KCTD9: variants seen among roughly 807,000 people sequenced by gnomAD.
The protein encoded by KCTD9 is BTB/POZ domain-containing protein KCTD9.
A neutral mutation model predicts 53.3 loss-of-function variants in KCTD9; 17 were observed. The observed-to-expected ratio is 0.32, with a 90% CI of 0.22 to 0.48. The LOEUF is 0.48. KCTD9 is among the 20% of genes least tolerant of loss of function. KCTD9 has a pLI of 0.99. For missense variants in KCTD9, 179 were observed against 465.5 expected, an observed-to-expected ratio of 0.38 and a Z score of 5.66; for synonymous variants, 128 against 162.7, an observed-to-expected ratio of 0.79 and a Z score of 1.62.
intron 1 of KCTD9, among the ~76,000 whole-genome samples, chr8:25,455,924 C>T (rs1802423793): frequency 1.3e-5 from 2 of 152,162 alleles, no homozygotes; most frequent in Admixed American, 1.3e-4. Flanking sequence ...ATATTTCTTC[C>T]TGACCTCCAA....
rs1311170021 is a variant in KCTD9, at chr8:25,428,435, T to TAAAG, written c.*1418_*1421dup. 6 of 152,594 alleles carry TAAAG rather than the reference T, an allele frequency of 3.9e-5. No homozygotes were observed. The East Asian group carries it at 1.2e-3, about 29-fold the overall frequency. 9.5% of individuals were successfully genotyped at this position (152,594 alleles called of 1,614,324 possible). A position where few individuals can be genotyped will look rare whatever the true frequency, so the allele number is the denominator to read the frequency against. ...ATAGAAGAATAAGCTACGTAAATAC[T>TAAAG]AAAGATATGTCATTCTCCCAAAGGA... is the stretch of plus-strand genomic sequence containing the variant. On this transcript the variant is annotated 3_prime_UTR_variant, in exon 12 of 12. Coordinates refer to ENST00000221200, the MANE Select transcript of KCTD9 (RefSeq NM_017634.4).
In KCTD9 at chr8:25,457,798, C is replaced by G. The variant is rs1433228001; in HGVS notation, c.48+401G>C. The G allele has an allele frequency of 3.6e-5, 6 of 165,712 alleles. No homozygotes were observed. In the Admixed American group the frequency reaches 3.9e-4, roughly 11 times the overall value. The allele number at this position is 165,712 out of a possible 1,614,324, so 10.3% of individuals were successfully genotyped here. ...CCGCCACTTTCCGAGCAGATCATTA[C>G]TCAGCACCGGAGCCGGCGCGCCTCC... On this transcript the variant is annotated intron_variant, in intron 1 of 11. Transcript: ENST00000221200.
chr8:25,442,092 C>T (rs1802133536), intron 3 of KCTD9, among the ~76,000 whole-genome samples: 1 of 151,930 alleles, frequency 6.6e-6, no homozygotes. Context: ...ACAATAGAGT[C>T]CTGAAAGAAG....
chr8:25,455,083 G>A (rs986473969), intron 1 of KCTD9, among the ~76,000 whole-genome samples: 1 of 152,040 alleles, frequency 6.6e-6, no homozygotes, highest in African/African-American at 2.4e-5. Flanking sequence ...AAATTAGCAG[G>A]GCATGGTGGC....
At chr8:25,443,683 A>G (rs539171655) in intron 3 of KCTD9, among the ~76,000 whole-genome samples, 3 of 152,336 alleles carry the variant, frequency 2.0e-5, no homozygotes, top group African/African-American at 7.2e-5. Flanking sequence ...ACTTCCACTC[A>G]CCAAATGCAA....
intron 1 of KCTD9, among the ~76,000 whole-genome samples, chr8:25,454,742 T>C (rs1210190340): frequency 2.6e-5 from 4 of 152,322 alleles, no homozygotes; most frequent in African/African-American, 7.2e-5. Flanking sequence ...ATTGGTAACA[T>C]ACTTTTGGGC....
chr8:25,437,295 A>G (rs1158590700), intron 6 of KCTD9, among the ~76,000 whole-genome samples: 1 of 152,184 alleles, frequency 6.6e-6, no homozygotes, highest in Non-Finnish European at 1.5e-5. Flanking sequence ...GCCAAGGTCT[A>G]AGTAAAGCAG....
intron 3 of KCTD9, among the ~76,000 whole-genome samples, chr8:25,442,965 G>A (rs1802150070): frequency 1.3e-5 from 2 of 152,012 alleles, no homozygotes; most frequent in Non-Finnish European, 2.9e-5. Context: ...ATAGAAAAAG[G>A]AGACACAGAT....
chr8:25,441,843 T>C (rs1802128803), intron 3 of KCTD9, among the ~76,000 whole-genome samples: 1 of 151,510 alleles, frequency 6.6e-6, no homozygotes, highest in African/African-American at 2.4e-5. Context: ...CTACAAAAAA[T>C]ACAAAAAAAT....
At position 25,429,819 on chromosome 8, in the gene KCTD9, T is replaced by C; in HGVS notation, c.*38A>G. ...AGAAAGAAAAGTGATAAGGAAAACA[T>C]TTTCATCTTTTACATCTTCCTCCAG... On this transcript the variant is annotated 3_prime_UTR_variant, in exon 12 of 12. Coordinates refer to ENST00000221200, the MANE Select transcript of KCTD9 (RefSeq NM_017634.4). The C allele has an allele frequency of 2.0e-6, 2 of 1,009,046 alleles. No homozygotes were observed. The highest frequency in any genetic ancestry group is 3.2e-6 in the Non-Finnish European group (2 of 630,250). 62.5% of individuals were successfully genotyped at this position (1,009,046 alleles called of 1,614,324 possible).
In KCTD9 at chr8:25,429,640, T is replaced by C. The variant is rs567056690; in HGVS notation, c.*217A>G. On this transcript the variant is annotated 3_prime_UTR_variant, in exon 12 of 12. Transcript: ENST00000221200. Reference sequence around the variant, plus strand: ...GGCAGCAATATCTAGTTTCCCTACATCTATTAAATGAGTGCTTTTCTGTTA... The same window carrying C: ...GGCAGCAATATCTAGTTTCCCTACACCTATTAAATGAGTGCTTTTCTGTTA... 1.1e-3 allele frequency: 479 copies of C among 433,262 alleles called. 10 individuals carry two copies. In the South Asian group the frequency reaches 0.012, roughly 11 times the overall value. The allele number at this position is 433,262 out of a possible 1,614,324, so 26.8% of individuals were successfully genotyped here. A position where few individuals can be genotyped will look rare whatever the true frequency, so the allele number is the denominator to read the frequency against.
chr8:25,442,020 TAAA>T (rs1300143662), intron 3 of KCTD9, among the ~76,000 whole-genome samples: 2 of 150,786 alleles, frequency 1.3e-5, no homozygotes, highest in African/African-American at 4.9e-5. Context: ...ATAAATAAAA[TAAA>T]AAGAAAGGAA....
chr8:25,440,562 T>C lies in KCTD9; in HGVS notation c.311+15A>G, dbSNP rs760533935. On this transcript the variant is annotated intron_variant, in intron 4 of 11. Coordinates refer to ENST00000221200, the MANE Select transcript of KCTD9 (RefSeq NM_017634.4). ...TTTTGCATTCTCTTTCTAACACACA[T>C]ACACACACACCTACCGTGTAGTTGT... 4 of 1,530,576 alleles carry C rather than the reference T, an allele frequency of 2.6e-6. No individual in the cohort carries two copies. Among genetic ancestry groups the C allele is most frequent in the East Asian group, 2.2e-5 (1 of 44,492 alleles). 94.8% of individuals were successfully genotyped at this position (1,530,576 alleles called of 1,614,324 possible). A position where few individuals can be genotyped will look rare whatever the true frequency, so the allele number is the denominator to read the frequency against.
chr8:25,453,403 TC>T (rs2117445127), intron 1 of KCTD9, among the ~76,000 whole-genome samples: 1 of 150,806 alleles, frequency 6.6e-6, no homozygotes, highest in East Asian at 2.0e-4. Context: ...AGCCTGTAAT[TC>T]CAGCACTTTG....
chr8:25,441,659 T>C (rs1019946938), intron 3 of KCTD9, among the ~76,000 whole-genome samples: 1 of 151,822 alleles, frequency 6.6e-6, no homozygotes, highest in Non-Finnish European at 1.5e-5. Context: ...CAATAGACAA[T>C]GACTTAAGGG....
chr8:25,430,742 G>A (rs1183197755), intron 11 of KCTD9, among the ~76,000 whole-genome samples: 1 of 151,628 alleles, frequency 6.6e-6, no homozygotes, highest in Non-Finnish European at 1.5e-5. Context: ...CACAAAACCA[G>A]TCCCTGGTGC....
intron 2 of KCTD9, among the ~76,000 whole-genome samples, chr8:25,445,610 C>T (rs1317188276): frequency 1.3e-5 from 2 of 152,100 alleles, no homozygotes; most frequent in South Asian, 2.1e-4. Flanking sequence ...AGGTGAACTA[C>T]ACACTTGTTT....
rs1020162712 is a variant in KCTD9 at position 25,429,748 on chromosome 8, TA to T, written c.*108del. ...CATAATCCTCTAAATGTTTTTTTTT[TA>T]AATTTCCTTACAGTGTTATTTCTTC... On this transcript the variant is annotated 3_prime_UTR_variant, in exon 12 of 12. Transcript: ENST00000221200. The T allele has an allele frequency of 3.0e-6, 2 of 675,412 alleles. No homozygotes were observed. Among genetic ancestry groups the T allele is most frequent in the East Asian group, 2.6e-5 (1 of 38,748 alleles). 41.8% of individuals were successfully genotyped at this position (675,412 alleles called of 1,614,324 possible).
intron 2 of KCTD9, 64 bp from the exon 3 acceptor site, chr8:25,444,399 CT>C: frequency 7.1e-7 from 1 of 1,413,852 alleles, no homozygotes; most frequent in Non-Finnish European, 9.9e-7. Context: ...TTATCTGTTG[CT>C]TATAGGAACT....
Sources: gnomAD v4.1 joint callset for allele counts (sites outside exome capture counted in the v4.1 genomes callset) on GRCh38, gnomAD v4.1.1 for gene constraint, MANE v1.5 for transcripts, NCBI Gene and HGNC (gene_info 2026-07-23, HGNC 2026-07-21) for gene names.